Variants in ADAMTS12 observed in about 807,000 individuals in gnomAD.
ADAMTS12 encodes ADAM metallopeptidase with thrombospondin type 1 motif 12.
A neutral mutation model predicts 167.8 loss-of-function variants in ADAMTS12; 118 were observed. The observed-to-expected ratio is 0.70, with a 90% CI of 0.61 to 0.82. ADAMTS12 has a LOEUF of 0.82. Ranked by LOEUF, ADAMTS12 falls within the 40% of genes least tolerant of loss-of-function variation. ADAMTS12 has a pLI of 0.00. For missense variants in ADAMTS12, 1,916 were observed against 1,998.8 expected (o/e 0.96, Z 0.79); for synonymous variants, 704 against 716.9 (o/e 0.98, Z 0.29).
At chr5:33,560,912 A>G in intron 20 of ADAMTS12, 115 bp downstream of exon 20, 1 of 1,324,576 alleles carries the variant, frequency 7.5e-7, no homozygotes, top group Admixed American at 2.6e-5. Flanking sequence ...TAGAACTTTA[A>G]TTAAGAAAAA....
chr5:33,652,034 C>T (rs981864758), intron 7 of ADAMTS12, among the ~76,000 whole-genome samples: 2 of 152,082 alleles, frequency 1.3e-5, no homozygotes, highest in African/African-American at 4.8e-5. Context: ...ATTATCCAGT[C>T]ATCTGTTGGT....
At chr5:33,709,219 C>G (rs1024755921) in intron 3 of ADAMTS12, among the ~76,000 whole-genome samples, 12 of 152,036 alleles carry the variant, frequency 7.9e-5, no homozygotes, top group Admixed American at 5.9e-4. Context: ...GCTGGTGAGG[C>G]TGTGGAGAAA....
intron 3 of ADAMTS12, among the ~76,000 whole-genome samples, chr5:33,696,343 C>T (rs533988211): frequency 2.3e-3 from 353 of 150,946 alleles, no homozygotes; most frequent in Middle Eastern, 0.01. Flanking sequence ...ATGGCGGGAA[C>T]CCGGGAGGCA....
At chr5:33,618,367 G>T (rs1275284699) in intron 14 of ADAMTS12, among the ~76,000 whole-genome samples, 6 of 152,166 alleles carry the variant, frequency 3.9e-5, no homozygotes, top group Admixed American at 1.3e-4. Context: ...GTGAAACTTT[G>T]CAGAAATTCA....
At chr5:33,706,514 G>A (rs1458948597) in intron 3 of ADAMTS12, among the ~76,000 whole-genome samples, 1 of 152,058 alleles carries the variant, frequency 6.6e-6, no homozygotes, top group African/African-American at 2.4e-5. Context: ...GACTAGGATT[G>A]CAACCCCTCT....
chr5:33,743,943 A>G (rs1035201896), intron 3 of ADAMTS12, among the ~76,000 whole-genome samples: 4 of 152,180 alleles, frequency 2.6e-5, no homozygotes, highest in African/African-American at 9.7e-5. Flanking sequence ...CATTCAGATC[A>G]TACACTGAAT....
intron 2 of ADAMTS12, among the ~76,000 whole-genome samples, chr5:33,771,782 T>TA (rs1745745504): frequency 6.6e-6 from 1 of 151,938 alleles, no homozygotes; most frequent in African/African-American, 2.4e-5. Flanking sequence ...GTAGTAAAGT[T>TA]ATACTGCGTA....
chr5:33,705,072 C>T (rs933681781), intron 3 of ADAMTS12, among the ~76,000 whole-genome samples: 9 of 151,756 alleles, frequency 5.9e-5, no homozygotes, highest in East Asian at 1.9e-4. Context: ...AGCCTTCCTC[C>T]GAGACCCCAA....
At chr5:33,704,221 A>G (rs951352475) in intron 3 of ADAMTS12, among the ~76,000 whole-genome samples, 1 of 152,176 alleles carries the variant, frequency 6.6e-6, no homozygotes. Flanking sequence ...GTATGTATAT[A>G]CCACATTTTC....
At chr5:33,646,247 T>A (rs1275516345) in intron 9 of ADAMTS12, among the ~76,000 whole-genome samples, 1 of 152,210 alleles carries the variant, frequency 6.6e-6, no homozygotes, top group Non-Finnish European at 1.5e-5. Context: ...TTAAATATTT[T>A]AAGTGCATCC....
chr5:33,662,779 T>C (rs192900332), intron 5 of ADAMTS12, among the ~76,000 whole-genome samples: 16 of 152,332 alleles, frequency 1.1e-4, no homozygotes, highest in African/African-American at 3.8e-4. Context: ...AATAGTCAGC[T>C]CTTTAGTGGC....
At chr5:33,662,476 AGAGTTGCACTG>A (rs755807727) in intron 5 of ADAMTS12, among the ~76,000 whole-genome samples, 29 of 152,368 alleles carry the variant, frequency 1.9e-4, no homozygotes, top group Admixed American at 1.0e-3. Context: ...CTGCAAGGCT[AGAGTTGCACTG>A]GATGTTTTCT....
chr5:33,699,815 T>C (rs1742936781), intron 3 of ADAMTS12, among the ~76,000 whole-genome samples: 1 of 152,158 alleles, frequency 6.6e-6, no homozygotes, highest in East Asian at 1.9e-4. Flanking sequence ...AAACTATATA[T>C]TTAACAAAGG....
chr5:33,860,833 C>T (rs1347103101), intron 2 of ADAMTS12, among the ~76,000 whole-genome samples: 1 of 152,184 alleles, frequency 6.6e-6, no homozygotes, highest in Non-Finnish European at 1.5e-5. Flanking sequence ...AACAGTGGAT[C>T]TCTCTGCAGA....
intron 3 of ADAMTS12, among the ~76,000 whole-genome samples, chr5:33,717,799 AT>A (rs1743665590): frequency 6.6e-6 from 1 of 152,220 alleles, no homozygotes; most frequent in African/African-American, 2.4e-5. Context: ...TGATGAATAT[AT>A]TTTTCTACTT....
chr5:33,601,167 C>G (rs1006311828), intron 16 of ADAMTS12, among the ~76,000 whole-genome samples: 1 of 150,698 alleles, frequency 6.6e-6, no homozygotes, highest in Non-Finnish European at 1.5e-5. Flanking sequence ...ATCGACAGCA[C>G]CATCAAAACT....
intron 2 of ADAMTS12, among the ~76,000 whole-genome samples, chr5:33,844,856 A>G (rs1408856674): frequency 6.6e-6 from 1 of 152,052 alleles, no homozygotes; most frequent in African/African-American, 2.4e-5. Context: ...CAGCTTTAAA[A>G]TCTCTCTTTT....
chr5:33,593,094 T>C (rs1301287230), intron 17 of ADAMTS12, among the ~76,000 whole-genome samples: 2 of 152,134 alleles, frequency 1.3e-5, no homozygotes, highest in East Asian at 1.9e-4. Flanking sequence ...CTGGCCAACA[T>C]GGTGAAACCT....
At chr5:33,566,127 T>C (rs1239110087) in intron 19 of ADAMTS12, among the ~76,000 whole-genome samples, 3 of 152,138 alleles carry the variant, frequency 2.0e-5, no homozygotes, top group Non-Finnish European at 4.4e-5. Flanking sequence ...AATTTAACAG[T>C]TGATTCAAAT....
Sources: gnomAD v4.1 joint callset for allele counts (sites outside exome capture counted in the v4.1 genomes callset) on GRCh38, gnomAD v4.1.1 for gene constraint, MANE v1.5 for transcripts, NCBI Gene and HGNC (gene_info 2026-07-23, HGNC 2026-07-21) for gene names.